Variants in TECRL observed in about 807,000 individuals in gnomAD.
TECRL encodes trans-2,3-enoyl-CoA reductase-like.
TECRL carries 63 observed loss-of-function variants against 52.8 expected under a neutral mutation model. That is an observed-to-expected ratio of 1.19 (90% CI 0.97 to 1.47). The LOEUF is 1.47. Among genes scored for constraint, TECRL ranks in the 40% most tolerant of loss-of-function variants. The pLI is 0.00. For missense variants in TECRL, 482 were observed against 429.6 expected (o/e 1.12, Z -1.08); for synonymous variants, 164 against 141.9 (o/e 1.16, Z -1.10).
intron 1 of TECRL, among the ~76,000 whole-genome samples, chr4:64,401,932 T>C (rs557719135): frequency 3.3e-4 from 50 of 152,288 alleles, no homozygotes; most frequent in African/African-American, 1.2e-3. Context: ...TACCTCATCT[T>C]CTCAGATTTA....
At chr4:64,400,639 A>G (rs1023550633) in intron 1 of TECRL, among the ~76,000 whole-genome samples, 13 of 152,104 alleles carry the variant, frequency 8.5e-5, no homozygotes, top group African/African-American at 2.4e-4. Flanking sequence ...TGAATGGTTT[A>G]GTACCATTCT....
At chr4:64,374,052 CATAT>C (rs77300773) in intron 2 of TECRL, among the ~76,000 whole-genome samples, 62,593 of 105,756 alleles carry the variant, frequency 0.59, 19,250 homozygotes, top group Non-Finnish European at 0.69. Context: ...ATAGTAGATA[CATAT>C]ATATATATAT....
chr4:64,371,734 T>C (rs546501620), intron 2 of TECRL, among the ~76,000 whole-genome samples: 1 of 151,898 alleles, frequency 6.6e-6, no homozygotes, highest in Non-Finnish European at 1.5e-5. Flanking sequence ...TTCTGTCCCG[T>C]CATGCTTATT....
At chr4:64,390,063 T>A (rs1209796087) in intron 1 of TECRL, among the ~76,000 whole-genome samples, 1 of 151,872 alleles carries the variant, frequency 6.6e-6, no homozygotes, top group Non-Finnish European at 1.5e-5. Context: ...AGCTGCTGGT[T>A]CTTACTGTTT....
chr4:64,337,688 G>A (rs1719212528), intron 2 of TECRL, among the ~76,000 whole-genome samples: 1 of 152,122 alleles, frequency 6.6e-6, no homozygotes, highest in Non-Finnish European at 1.5e-5. Context: ...TTGCTTCAAA[G>A]AGAATAAAAT....
intron 9 of TECRL, among the ~76,000 whole-genome samples, chr4:64,285,948 C>T (rs566216618): frequency 6.6e-6 from 1 of 152,202 alleles, no homozygotes; most frequent in Admixed American, 6.5e-5. Flanking sequence ...GAAAAACCTC[C>T]TCTGTTTCCA....
Position 64,279,796 on chromosome 4 carries a change from T to C in TECRL, c.*276A>G, listed in dbSNP as rs539167228. 8.9e-6 allele frequency: 9 copies of C among 1,007,706 alleles called. No homozygotes were observed. In the African/African-American group the frequency reaches 1.2e-4, roughly 14 times the overall value. 62.4% of individuals were successfully genotyped at this position (1,007,706 alleles called of 1,614,324 possible). A position where few individuals can be genotyped will look rare whatever the true frequency, so the allele number is the denominator to read the frequency against. On this transcript the variant is annotated 3_prime_UTR_variant, in exon 12 of 12. Coordinates refer to ENST00000381210, the MANE Select transcript of TECRL (RefSeq NM_001010874.5). Reference sequence around the variant, plus strand: ...GGTATTTTGTCTTATGCAAATAGTATTGTGAAGTATTAATGAAGTAAGACA... The same window carrying C: ...GGTATTTTGTCTTATGCAAATAGTACTGTGAAGTATTAATGAAGTAAGACA...
chr4:64,331,412 T>A (rs1403654641), intron 2 of TECRL, among the ~76,000 whole-genome samples: 2 of 152,120 alleles, frequency 1.3e-5, no homozygotes, highest in Non-Finnish European at 2.9e-5. Context: ...ACTGGAGGAC[T>A]ATGCATTCAG....
Position 64,396,264 on chromosome 4 carries a change from T to A in TECRL, c.234+12854A>T, listed in dbSNP as rs961790279. On this transcript the variant is annotated intron_variant, in intron 1 of 11. Transcript: ENST00000381210. Reference sequence around the variant, plus strand: ...ATCTCCAACTGCTTTCCTCAATGATTGAATGAATGTACATTTCCACCAGGA... The same window carrying A: ...ATCTCCAACTGCTTTCCTCAATGATAGAATGAATGTACATTTCCACCAGGA... Among the ~76,000 whole-genome samples the A allele has an allele frequency of 4.6e-5, 7 of 152,326 alleles. 1 individual carries two copies. Among genetic ancestry groups the A allele is most frequent in the African/African-American group, 1.7e-4 (7 of 41,596 alleles).
In TECRL at chr4:64,309,923, C is replaced by A. The variant is rs373197788; in HGVS notation, c.560G>T (p.Cys187Phe). The change falls in exon 6 of 12, where the codon TGC becomes TTC. Residue 187 changes from cysteine (C) to phenylalanine (F), a missense_variant. Physicochemically the swap from Cys to Phe is radical, Grantham distance 205 (BLOSUM62 -2). Coordinates refer to ENST00000381210, the MANE Select transcript of TECRL (RefSeq NM_001010874.5). ...RLRHPVVHLA[C>F]FCHCIHYIRY... ...GATGTAGTGTATACAATGACAGAAGCAAGCCAAGCTGGAAAAAAAAATAAA... is the reference window on the plus strand; with the variant it reads ...GATGTAGTGTATACAATGACAGAAGAAAGCCAAGCTGGAAAAAAAAATAAA... 4.4e-6 allele frequency: 7 copies of A among 1,586,138 alleles called. No individual in the cohort carries two copies. In the African/African-American group the frequency reaches 9.5e-5, roughly 22 times the overall value.
intron 2 of TECRL, among the ~76,000 whole-genome samples, chr4:64,341,690 G>A (rs995939155): frequency 9.9e-5 from 15 of 152,162 alleles, no homozygotes; most frequent in African/African-American, 3.1e-4. Context: ...CTTTCAGGGA[G>A]CCCAGACCTG....
Position 64,281,473 on chromosome 4 carries a change from C to T in TECRL, c.918+1G>A, listed in dbSNP as rs746713086. ...AGCATTTACATACATAAATAACATACCTCATAGGTGTAGTTAGGACATGAA... is the reference window on the plus strand; with the variant it reads ...AGCATTTACATACATAAATAACATATCTCATAGGTGTAGTTAGGACATGAA... On this transcript the variant is annotated splice_donor_variant, in intron 10 of 11. Transcript: ENST00000381210. LOFTEE classifies it high-confidence loss of function. The T allele has an allele frequency of 1.8e-5, 28 of 1,566,924 alleles. No individual in the cohort carries two copies. Among genetic ancestry groups the T allele is most frequent in the African/African-American group, 2.7e-5 (2 of 73,466 alleles).
chr4:64,317,106 G>A (rs1255055996), intron 4 of TECRL, among the ~76,000 whole-genome samples: 2 of 151,906 alleles, frequency 1.3e-5, no homozygotes, highest in African/African-American at 2.4e-5. Flanking sequence ...GTGAAACCCC[G>A]TCTCTACTAA....
intron 3 of TECRL, 125 bp from the exon 4 acceptor site, chr4:64,322,917 G>A: frequency 1.4e-6 from 1 of 700,892 alleles, no homozygotes; most frequent in Non-Finnish European, 2.3e-6. Flanking sequence ...CAATGTACAA[G>A]AAATCTTCAA....
At position 64,363,186 on chromosome 4, in the gene TECRL, A is replaced by G. The variant is rs566052613; in HGVS notation, c.286+11986T>C. ...CAACACTGTAAATACCAGATTAATA[A>G]AACAAGTTCTTAGAGGTTTATGAAG... On this transcript the variant is annotated intron_variant, in intron 2 of 11. Transcript: ENST00000381210. 3.9e-5 allele frequency among the ~76,000 whole-genome samples: 6 copies of G among 152,282 alleles called. No homozygotes were observed. The South Asian group carries it at 1.0e-3, about 26-fold the overall frequency.
intron 4 of TECRL, among the ~76,000 whole-genome samples, chr4:64,315,455 A>AT (rs998684691): frequency 6.6e-6 from 1 of 152,096 alleles, no homozygotes; most frequent in Non-Finnish European, 1.5e-5. Flanking sequence ...TAGCTGTTTG[A>AT]TTTTTTAGTG....
intron 2 of TECRL, among the ~76,000 whole-genome samples, chr4:64,371,193 G>T (rs1307437073): frequency 1.3e-5 from 2 of 150,778 alleles, no homozygotes; most frequent in Non-Finnish European, 3.0e-5. Context: ...TACAAACCCA[G>T]TAATAATAAT....
intron 1 of TECRL, among the ~76,000 whole-genome samples, chr4:64,405,071 A>G (rs188720748): frequency 8.5e-4 from 130 of 152,268 alleles, no homozygotes; most frequent in African/African-American, 3.1e-3. Context: ...ATAATGAACT[A>G]AAGAAAGAAA....
intron 1 of TECRL, among the ~76,000 whole-genome samples, chr4:64,385,595 A>C (rs888619071): frequency 2.6e-5 from 4 of 151,960 alleles, no homozygotes; most frequent in Non-Finnish European, 5.9e-5. Context: ...GGTGGATATG[A>C]GGGGATGTCA....
Sources: allele counts gnomAD v4.1 joint callset (sites outside exome capture counted in the v4.1 genomes callset), GRCh38; gene constraint gnomAD v4.1.1; transcripts MANE v1.5; gene names NCBI Gene and HGNC (gene_info 2026-07-23, HGNC 2026-07-21).